The following NAV1 variants were observed in gnomAD, a reference collection of about 807,000 sequenced individuals.
NAV1 encodes the protein pore membrane and/or filament interacting like protein 3.
A neutral mutation model predicts 175.2 loss-of-function variants in NAV1; 18 were observed. The ratio of observed to expected loss-of-function variants is 0.10; its 90% confidence interval spans 0.07 to 0.15. The LOEUF is 0.15. NAV1 is among the 10% of genes least tolerant of loss of function. NAV1 has a pLI of 1.00. For missense variants in NAV1, 1,731 were observed against 2,436.6 expected (o/e 0.71, Z 6.10); for synonymous variants, 897 against 978.7 (o/e 0.92, Z 1.56).
In NAV1 at chr1:201,808,725, C is replaced by A. The variant is rs1219382448; in HGVS notation, c.4061C>A (p.Ala1354Glu). ...CAGTTGGAGGTGGACCTGCTGAAAG[C>A]AGAGAATGACCGACTGAAGGTAGCC... The change falls in exon 20 of 30, where the codon GCA becomes GAA. Residue 1354 changes from alanine (A) to glutamate (E), a missense_variant. By Grantham distance (107) the Ala-to-Glu change is moderately radical. Around this residue, in one of 13 missense-constraint regions of NAV1, gnomAD observed 18 missense variants for 56.2 expected, o/e 0.32. Coordinates refer to ENST00000367296, the Ensembl canonical transcript of NAV1. This position sits in a 1 kb window ranked among gnomAD's most constrained non-coding sequence, Gnocchi z 5.5. 5.6e-6 allele frequency: 9 copies of A among 1,614,238 alleles called. No homozygotes were observed. The highest frequency in any genetic ancestry group is 7.6e-6 in the Non-Finnish European group (9 of 1,180,038).
intron 1 of NAV1, among the ~76,000 whole-genome samples, chr1:201,652,388 C>G (rs1054479039): frequency 1.3e-5 from 2 of 152,130 alleles, no homozygotes; most frequent in Non-Finnish European, 2.9e-5. Flanking sequence ...TGTCCCTTCG[C>G]TAACCTTGGA....
At chr1:201,664,127 C>G (rs907906860) in intron 1 of NAV1, among the ~76,000 whole-genome samples, 3 of 152,182 alleles carry the variant, frequency 2.0e-5, no homozygotes, top group Middle Eastern at 3.4e-3. Flanking sequence ...AATTCAAATC[C>G]TGATTCTGTT....
chr1:201,810,689 G>A lies in NAV1; in HGVS notation c.4728G>A (p.Val1576=), dbSNP rs1385847270. 3 of 1,614,000 alleles carry A rather than the reference G, an allele frequency of 1.9e-6. No homozygotes were observed. The highest frequency in any genetic ancestry group is 2.7e-5 in the African/African-American group (2 of 74,900). ...CCAATCGCTTGGCCGAGTACCTGGTGGAGCGCTCTGGCCGTGAGGTCACAG... is the reference window on the plus strand; with the variant it reads ...CCAATCGCTTGGCCGAGTACCTGGTAGAGCGCTCTGGCCGTGAGGTCACAG... Residue 1576 remains valine (V), a synonymous_variant, in exon 24 of 30, where the codon GTG becomes GTA. Transcript: ENST00000367296. The surrounding 1 kb of genome is among the most constrained non-coding windows in gnomAD (Gnocchi z 6.0).
chr1:201,646,544 CT>C (rs898357734), upstream of NAV1, among the ~76,000 whole-genome samples: 1 of 152,138 alleles, frequency 6.6e-6, no homozygotes, highest in African/African-American at 2.4e-5. Context: ...GAATCGCCAC[CT>C]TTTTTTCTAT....
In NAV1 at chr1:201,575,119, T is replaced by C. The variant is rs142867015; in HGVS notation, c.-143-13420T>C. Among the ~76,000 whole-genome samples, 526 of 152,310 alleles carry C rather than the reference T, an allele frequency of 3.5e-3. 5 individuals carry two copies. Among genetic ancestry groups the C allele is most frequent in the African/African-American group, 0.012 (508 of 41,568 alleles). On this transcript the variant is annotated intron_variant, in intron 1 of 33. Coordinates refer to the NAV1 transcript ENST00000685211. ...TGATGCAGAGTGGAATGGCTGAAAG[T>C]GACTTAACTTTTCTTTGTTCTGATG...
At chr1:201,763,364 A>G (rs910495086) in intron 3 of NAV1, among the ~76,000 whole-genome samples, 1 of 152,156 alleles carries the variant, frequency 6.6e-6, no homozygotes, top group Non-Finnish European at 1.5e-5. Flanking sequence ...GGTGAATTTG[A>G]TGGTATCCCT....
intron 3 of NAV1, among the ~76,000 whole-genome samples, chr1:201,719,340 C>T (rs1672273301): frequency 6.6e-6 from 1 of 152,048 alleles, no homozygotes; most frequent in Non-Finnish European, 1.5e-5. Flanking sequence ...AGTGTCTGCT[C>T]CTTGGGTTTC....
At chr1:201,660,884 A>C (rs1233401072) in intron 1 of NAV1, among the ~76,000 whole-genome samples, 1 of 152,182 alleles carries the variant, frequency 6.6e-6, no homozygotes, top group Non-Finnish European at 1.5e-5. Context: ...CCAGGTGGCC[A>C]GGGTGGCAGG....
At chr1:201,702,507 G>T (rs1331430353) in intron 1 of NAV1, among the ~76,000 whole-genome samples, 1 of 152,078 alleles carries the variant, frequency 6.6e-6, no homozygotes, top group Non-Finnish European at 1.5e-5. Context: ...GGTAGCTGGG[G>T]TTACAGGAGT....
At position 201,649,139 on chromosome 1, in the gene NAV1, C is replaced by T. The variant is rs534239609; in HGVS notation, c.471C>T (p.Ala157=). 1.2e-4 allele frequency: 194 copies of T among 1,611,878 alleles called. 1 individual carries two copies. Among genetic ancestry groups the T allele is most frequent in the Non-Finnish European group, 1.6e-4 (187 of 1,179,484 alleles). ...CCAAGGGCAGCCCGGCGGGCGGCGC[C>T]AAGACCCCCCTGGCTCCGCTCGCGC... The change falls in exon 1 of 30, where the codon GCC becomes GCT. Residue 157 remains alanine (A), a synonymous_variant. Transcript: ENST00000367296.
At chr1:201,572,133 G>T (rs999731529) in intron 1 of NAV1, among the ~76,000 whole-genome samples, 4 of 152,170 alleles carry the variant, frequency 2.6e-5, no homozygotes, top group African/African-American at 9.7e-5. Context: ...TAAGGGAGAA[G>T]TTATGGGATT....
chr1:201,593,114 G>A (rs538745169), intron 2 of NAV1, among the ~76,000 whole-genome samples: 35 of 152,302 alleles, frequency 2.3e-4, no homozygotes, highest in African/African-American at 8.4e-4. Flanking sequence ...TTTGATATCT[G>A]GGGCTGAGTA....
chr1:201,648,322 G>A (rs1669047236), exon 1 of NAV1: 3 of 1,155,974 alleles, frequency 2.6e-6, no homozygotes, highest in Non-Finnish European at 3.2e-6. Flanking sequence ...GGGCGCCGGA[G>A]GAGCCGCGGG....
intron 2 of NAV1, among the ~76,000 whole-genome samples, chr1:201,632,803 G>T (rs1030161375): frequency 1.3e-5 from 2 of 152,218 alleles, no homozygotes; most frequent in East Asian, 1.9e-4. Flanking sequence ...TCATACTAGG[G>T]CTGTTTTGCT....
chr1:201,711,036 CTAAAAAA>C (rs894937941), intron 1 of NAV1, among the ~76,000 whole-genome samples: 6 of 152,212 alleles, frequency 3.9e-5, no homozygotes, highest in African/African-American at 1.4e-4. Flanking sequence ...CTTGGCGAGT[CTAAAAAA>C]TTGACCCTGT....
chr1:201,756,094 AAACTCT>A (rs1194926344), intron 3 of NAV1, among the ~76,000 whole-genome samples: 2 of 149,452 alleles, frequency 1.3e-5, no homozygotes, highest in Non-Finnish European at 3.0e-5. Flanking sequence ...TGACTGAGTG[AAACTCT>A]GTCTCAAAAA....
intron 4 of NAV1, 102 bp downstream of exon 8, chr1:201,780,661 G>T: frequency 6.7e-7 from 1 of 1,487,856 alleles, no homozygotes; most frequent in South Asian, 1.2e-5. Flanking sequence ...CACTCCATGG[G>T]ATTGGTTCTC....
chr1:201,624,788 A>G (rs911237998), intron 1 of NAV1, among the ~76,000 whole-genome samples: 2 of 152,240 alleles, frequency 1.3e-5, no homozygotes, highest in Middle Eastern at 3.4e-3. Context: ...CTAACTTCCT[A>G]TATTTTTTCC....
chr1:201,676,839 A>G (rs1024517863), intron 1 of NAV1, among the ~76,000 whole-genome samples: 2 of 152,190 alleles, frequency 1.3e-5, no homozygotes, highest in Non-Finnish European at 2.9e-5. Context: ...AATAGATCTA[A>G]ATAGCAGCCC....
Sources: allele counts gnomAD v4.1 joint callset (sites outside exome capture counted in the v4.1 genomes callset), GRCh38; gene constraint gnomAD v4.1.1; regional missense constraint gnomAD v4.1.1; non-coding constraint Gnocchi (gnomAD v3.1); transcripts MANE v1.5; gene names NCBI Gene and HGNC (gene_info 2026-07-23, HGNC 2026-07-21).